CSMD1: variants seen among roughly 807,000 people sequenced by gnomAD.
CSMD1 encodes the protein CUB and Sushi multiple domains 1.
CSMD1 carries 213 observed loss-of-function variants against 417.5 expected under a neutral mutation model. That is an observed-to-expected ratio of 0.51 (90% CI 0.46 to 0.57). The LOEUF (loss-of-function observed/expected upper bound fraction) is 0.57. Among genes scored for constraint, CSMD1 ranks in the 20% least tolerant of loss-of-function variants. The pLI, the probability that CSMD1 is intolerant of heterozygous loss-of-function variation, is 0.00. For missense variants in CSMD1, 6,923 were observed against 4,529.7 expected, an observed-to-expected ratio of 1.53 and a Z score of -15.17; for synonymous variants, 2,862 against 1,736.8, an observed-to-expected ratio of 1.65 and a Z score of -16.11.
At chr8:3,748,249 CTA>C (rs1184943979) in intron 6 of CSMD1, among the ~76,000 whole-genome samples, 3 of 152,052 alleles carry the variant, frequency 2.0e-5, no homozygotes, top group Admixed American at 6.6e-5. Flanking sequence ...TTATTAAAAA[CTA>C]TTTTTTTTCA....
intron 3 of CSMD1, among the ~76,000 whole-genome samples, chr8:4,346,195 T>A (rs1584933850): frequency 6.6e-6 from 1 of 152,158 alleles, no homozygotes; most frequent in African/African-American, 2.4e-5. Context: ...TGCTAATTTA[T>A]CTGGACAGCT....
chr8:3,373,151 C>G (rs1025063751), intron 18 of CSMD1, among the ~76,000 whole-genome samples: 5 of 152,182 alleles, frequency 3.3e-5, no homozygotes, highest in African/African-American at 1.2e-4. Context: ...TAATTCATAT[C>G]CAACTATGTT....
At chr8:3,808,207 G>A (rs528914652) in intron 5 of CSMD1, among the ~76,000 whole-genome samples, 1 of 152,108 alleles carries the variant, frequency 6.6e-6, no homozygotes, top group Non-Finnish European at 1.5e-5. Flanking sequence ...AAACATCTGT[G>A]ATCTAAAATA....
At chr8:3,559,496 A>T (rs1458786592) in intron 10 of CSMD1, among the ~76,000 whole-genome samples, 3 of 134,662 alleles carry the variant, frequency 2.2e-5, no homozygotes, top group African/African-American at 1.1e-4. Flanking sequence ...GGCACCGTGA[A>T]GAAGAAGAAC....
chr8:3,039,803 T>G (rs13438910), intron 50 of CSMD1, among the ~76,000 whole-genome samples: 1 of 151,898 alleles, frequency 6.6e-6, no homozygotes, highest in Non-Finnish European at 1.5e-5. Flanking sequence ...TTTAAGGAGA[T>G]TGCGTTTAAA....
At chr8:4,434,124 G>C (rs1407461348) in intron 2 of CSMD1, among the ~76,000 whole-genome samples, 2 of 152,176 alleles carry the variant, frequency 1.3e-5, no homozygotes, top group African/African-American at 4.8e-5. Flanking sequence ...GATCACTTCA[G>C]GTCAGGAGTT....
At chr8:4,070,402 G>A (rs533240250) in intron 3 of CSMD1, among the ~76,000 whole-genome samples, 1 of 152,226 alleles carries the variant, frequency 6.6e-6, no homozygotes, top group East Asian at 1.9e-4. Context: ...GTGTCGCCCA[G>A]GCTGGAGTGC....
chr8:3,354,583 A>G (rs1808617466), intron 21 of CSMD1, among the ~76,000 whole-genome samples: 1 of 152,062 alleles, frequency 6.6e-6, no homozygotes, highest in Non-Finnish European at 1.5e-5. Flanking sequence ...TTTACTCACG[A>G]AGAATATTTA....
chr8:4,194,371 G>A (rs998774742), intron 3 of CSMD1, among the ~76,000 whole-genome samples: 7 of 152,078 alleles, frequency 4.6e-5, no homozygotes, highest in Non-Finnish European at 7.3e-5. Context: ...TGTTGATATT[G>A]CTCACATTGG....
Position 4,075,087 on chromosome 8 carries a change from A to G in CSMD1, c.416-42988T>C, listed in dbSNP as rs76831795. Among the ~76,000 whole-genome samples, 1,311 of 152,290 alleles carry G rather than the reference A, an allele frequency of 8.6e-3. 64 individuals are homozygous for G. The East Asian group carries it at 0.16, about 18-fold the overall frequency. On this transcript the variant is annotated intron_variant, in intron 3 of 69. Coordinates refer to ENST00000635120, the MANE Select transcript of CSMD1 (RefSeq NM_033225.6). ...ATACAGTGAATAATATTTCTTCAGTATTATTAGACAAAGAACAAAGTTGAA... is the reference window on the plus strand; with the variant it reads ...ATACAGTGAATAATATTTCTTCAGTGTTATTAGACAAAGAACAAAGTTGAA...
At chr8:4,132,759 C>G (rs1803187910) in intron 3 of CSMD1, among the ~76,000 whole-genome samples, 3 of 152,118 alleles carry the variant, frequency 2.0e-5, no homozygotes, top group Admixed American at 2.0e-4. Flanking sequence ...TGTTGATGTT[C>G]TCTACAATCC....
chr8:4,570,434 C>T (rs112443742), intron 2 of CSMD1, among the ~76,000 whole-genome samples: 25,676 of 152,074 alleles, frequency 0.17, 2,324 homozygotes, highest in Non-Finnish European at 0.2. Context: ...TGATGGATTA[C>T]GCCTATTGAT....
chr8:3,587,497 A>G (rs903493582), intron 8 of CSMD1, among the ~76,000 whole-genome samples: 4 of 140,364 alleles, frequency 2.8e-5, no homozygotes, highest in African/African-American at 5.0e-5. Flanking sequence ...CATAGAGACA[A>G]GATAGGGGAA....
intron 4 of CSMD1, among the ~76,000 whole-genome samples, chr8:4,009,564 A>G (rs535206821): frequency 1.3e-5 from 2 of 152,370 alleles, no homozygotes; most frequent in East Asian, 3.9e-4. Flanking sequence ...AATGCAGGTT[A>G]TACAGTTGGA....
At chr8:3,642,380 C>G (rs1797350723) in intron 7 of CSMD1, among the ~76,000 whole-genome samples, 1 of 152,058 alleles carries the variant, frequency 6.6e-6, no homozygotes, top group Non-Finnish European at 1.5e-5. Context: ...AATTTATAAC[C>G]TTAAGTCCAC....
intron 1 of CSMD1, among the ~76,000 whole-genome samples, chr8:4,944,019 GAATCA>G (rs1247601943): frequency 1.3e-5 from 2 of 152,106 alleles, no homozygotes; most frequent in African/African-American, 4.8e-5. Context: ...AAAGACTTGG[GAATCA>G]AAATAAGCTG....
chr8:3,341,649 C>T (rs1807663733), intron 23 of CSMD1, among the ~76,000 whole-genome samples: 2 of 152,158 alleles, frequency 1.3e-5, no homozygotes, highest in Non-Finnish European at 2.9e-5. Context: ...GTTTTCTGCT[C>T]TTTGCCCAGG....
At chr8:4,329,358 A>G (rs1210563803) in intron 3 of CSMD1, among the ~76,000 whole-genome samples, 4 of 152,114 alleles carry the variant, frequency 2.6e-5, no homozygotes, top group African/African-American at 9.7e-5. Flanking sequence ...ATGCATTCTC[A>G]GCTCACTTTA....
intron 11 of CSMD1, among the ~76,000 whole-genome samples, chr8:3,471,288 G>C (rs1448815869): frequency 1.3e-5 from 2 of 152,030 alleles, no homozygotes; most frequent in Non-Finnish European, 2.9e-5. Context: ...TTGAATGAGA[G>C]GTCTCTCTTT....
Sources: gnomAD v4.1 joint callset for allele counts (sites outside exome capture counted in the v4.1 genomes callset) on GRCh38, gnomAD v4.1.1 for gene constraint, MANE v1.5 for transcripts, NCBI Gene and HGNC (gene_info 2026-07-23, HGNC 2026-07-21) for gene names.